Variants in CCDC178 observed in about 807,000 individuals in gnomAD.
CCDC178 encodes the protein coiled-coil domain-containing protein 178.
Under a neutral mutation model 117.4 loss-of-function variants are expected in CCDC178, and 126 were observed. The ratio of observed to expected loss-of-function variants is 1.07; its 90% CI spans 0.93 to 1.24. The LOEUF (loss-of-function observed/expected upper bound fraction) is 1.24. CCDC178 is among the 50% of genes most tolerant of loss of function. CCDC178 has a pLI of 0.00. For missense variants in CCDC178, 1,030 were observed against 986.9 expected (o/e 1.04, Z -0.59); for synonymous variants, 283 against 313.4 (o/e 0.90, Z 1.02).
chr18:33,209,313 G>A (rs973308967), intron 20 of CCDC178, among the ~76,000 whole-genome samples: 1 of 151,938 alleles, frequency 6.6e-6, no homozygotes, highest in East Asian at 1.9e-4. Context: ...TCTGAAGTTT[G>A]TGTATATTTT....
At chr18:32,999,255 T>C (rs951338979) in intron 21 of CCDC178, among the ~76,000 whole-genome samples, 10 of 152,020 alleles carry the variant, frequency 6.6e-5, no homozygotes, top group Non-Finnish European at 1.2e-4. Context: ...CATCTGCTTA[T>C]TAAAAGGGGA....
At chr18:33,059,083 T>C (rs796856328) in intron 21 of CCDC178, among the ~76,000 whole-genome samples, 21 of 152,136 alleles carry the variant, frequency 1.4e-4, no homozygotes, top group African/African-American at 5.1e-4. Flanking sequence ...AGAATCTTAT[T>C]TGTGGGGGCT....
At chr18:32,979,263 CT>C (rs1380871806) in intron 21 of CCDC178, among the ~76,000 whole-genome samples, 1 of 151,970 alleles carries the variant, frequency 6.6e-6, no homozygotes, top group African/African-American at 2.4e-5. Context: ...TCAAACGATT[CT>C]CCTGTCTCAG....
Position 33,104,692 on chromosome 18 carries a change from T to C in CCDC178, c.2239-11782A>G, listed in dbSNP as rs528213910. On this transcript the variant is annotated intron_variant, in intron 20 of 22. Coordinates refer to ENST00000383096, the MANE Select transcript of CCDC178 (RefSeq NM_001105528.4). The stretch of plus-strand genomic sequence containing the variant: ...ACGTTTTTCCCACAAAATGAAACAC[T>C]TCAGGTAGTACGATGGAAGGAAGGT... Among the ~76,000 whole-genome samples the C allele has an allele frequency of 4.6e-5, 7 of 151,790 alleles. No individual in the cohort carries two copies. In the South Asian group the frequency reaches 1.5e-3, roughly 31 times the overall value.
intron 12 of CCDC178, among the ~76,000 whole-genome samples, chr18:33,280,966 G>A (rs536105417): frequency 2.0e-4 from 30 of 152,160 alleles, no homozygotes; most frequent in Non-Finnish European, 3.5e-4. Flanking sequence ...GGTGGGGCGC[G>A]GGGGAGCGAT....
chr18:33,323,345 T>C, intron 11 of CCDC178, 146 bp downstream of exon 11: 1 of 414,588 alleles, frequency 2.4e-6, no homozygotes. Context: ...TTTATTTACA[T>C]ATAAACTTGG....
intron 21 of CCDC178, among the ~76,000 whole-genome samples, chr18:33,063,053 G>A (rs907481659): frequency 2.0e-5 from 3 of 152,078 alleles, no homozygotes; most frequent in South Asian, 2.1e-4. Context: ...CCCTTCCAGC[G>A]GCATGGCAGG....
At chr18:33,199,934 C>T (rs1396833317) in intron 20 of CCDC178, among the ~76,000 whole-genome samples, 2 of 152,106 alleles carry the variant, frequency 1.3e-5, no homozygotes, top group Non-Finnish European at 2.9e-5. Flanking sequence ...TGGATACCGA[C>T]ACCACAACTC....
intron 22 of CCDC178, among the ~76,000 whole-genome samples, chr18:32,968,900 T>G (rs969965067): frequency 6.6e-6 from 1 of 152,064 alleles, no homozygotes; most frequent in African/African-American, 2.4e-5. Flanking sequence ...TTTCCTTCAT[T>G]TACACAATTC....
intron 14 of CCDC178, among the ~76,000 whole-genome samples, chr18:33,255,681 T>C (rs1221424242): frequency 2.0e-5 from 3 of 151,984 alleles, no homozygotes; most frequent in East Asian, 1.9e-4. Flanking sequence ...AGCTAGAGAA[T>C]GTCAAGTGAG....
At chr18:33,298,554 T>G (rs1046543346) in intron 11 of CCDC178, among the ~76,000 whole-genome samples, 1 of 152,206 alleles carries the variant, frequency 6.6e-6, no homozygotes, top group South Asian at 2.1e-4. Flanking sequence ...GAAAGTTTTT[T>G]CTATAAGATC....
At chr18:33,080,299 G>A (rs115645859) in intron 21 of CCDC178, among the ~76,000 whole-genome samples, 1 of 152,004 alleles carries the variant, frequency 6.6e-6, no homozygotes, top group Non-Finnish European at 1.5e-5. Context: ...AGTAGGGAGA[G>A]GAACAGAAAA....
intron 20 of CCDC178, among the ~76,000 whole-genome samples, chr18:33,208,366 AT>A (rs1002519762): frequency 6.6e-6 from 1 of 151,728 alleles, no homozygotes; most frequent in East Asian, 1.9e-4. Context: ...AGAATATGTC[AT>A]TTTTTTTACT....
chr18:33,070,540 G>A (rs2057090251), intron 21 of CCDC178, among the ~76,000 whole-genome samples: 1 of 151,962 alleles, frequency 6.6e-6, no homozygotes. Context: ...GGGTTACAGA[G>A]GTTGCTTAAT....
chr18:33,393,560 T>C lies in CCDC178; in HGVS notation c.118+3589A>G, dbSNP rs1225449930. 2.0e-5 allele frequency among the ~76,000 whole-genome samples: 3 copies of C among 152,170 alleles called. No homozygotes were observed. In the East Asian group the frequency reaches 5.8e-4, roughly 29 times the overall value. ...ACCATAGCTTAGTTTTGTCTTTTTCTTGGACCTTGCAATAATGAAATTAAA... is the reference window on the plus strand; with the variant it reads ...ACCATAGCTTAGTTTTGTCTTTTTCCTGGACCTTGCAATAATGAAATTAAA... On this transcript the variant is annotated intron_variant, in intron 4 of 22. Coordinates refer to ENST00000383096, the MANE Select transcript of CCDC178 (RefSeq NM_001105528.4).
In CCDC178 at chr18:33,336,481, C is replaced by T. The variant is rs937877057; in HGVS notation, c.659-3087G>A. 7.9e-5 allele frequency among the ~76,000 whole-genome samples: 12 copies of T among 152,134 alleles called. No individual in the cohort carries two copies. In the East Asian group the frequency reaches 1.7e-3, roughly 22 times the overall value. ...TCTTATGTTCTTGACAACTTGTCAG[C>T]ATATTTTAAATGATTTGAAGAACTA... On this transcript the variant is annotated intron_variant, in intron 9 of 22. Transcript: ENST00000383096.
chr18:32,971,381 C>CTTTTT (rs1232402277), intron 22 of CCDC178, among the ~76,000 whole-genome samples: 1 of 152,140 alleles, frequency 6.6e-6, no homozygotes, highest in Non-Finnish European at 1.5e-5. Flanking sequence ...GCATAGTATT[C>CTTTTT]CATGGTGTAT....
intron 22 of CCDC178, among the ~76,000 whole-genome samples, chr18:32,969,747 T>C (rs879458488): frequency 6.6e-6 from 1 of 152,024 alleles, no homozygotes; most frequent in Non-Finnish European, 1.5e-5. Flanking sequence ...ATTTATCTTA[T>C]GGGACTCACC....
intron 2 of CCDC178, chr18:33,437,872 T>A (rs1326385318): frequency 6.6e-6 from 1 of 152,332 alleles, no homozygotes; most frequent in East Asian, 1.9e-4. Flanking sequence ...GTCACCAGCA[T>A]ATAATAACCA....
Sources: gnomAD v4.1 joint callset for allele counts (sites outside exome capture counted in the v4.1 genomes callset) on GRCh38, gnomAD v4.1.1 for gene constraint, MANE v1.5 for transcripts, NCBI Gene and HGNC (gene_info 2026-07-23, HGNC 2026-07-21) for gene names.